GAS2: variants seen among roughly 807,000 people sequenced by gnomAD.
The protein encoded by GAS2 is growth arrest specific 2.
A neutral mutation model predicts 37.5 loss-of-function variants in GAS2; 20 were observed. The observed-to-expected ratio is 0.53, with a 90% confidence interval of 0.37 to 0.77. GAS2 has a LOEUF of 0.77. Ranked by LOEUF, GAS2 falls within the 30% of genes least tolerant of loss-of-function variation. GAS2 has a pLI of 0.00. For missense variants in GAS2, 336 were observed against 373.4 expected (o/e 0.90, Z 0.82); for synonymous variants, 144 against 132.2 (o/e 1.09, Z -0.61).
intron 2 of GAS2, among the ~76,000 whole-genome samples, chr11:22,676,066 G>A (rs1295091584): frequency 6.6e-6 from 1 of 151,498 alleles, no homozygotes; most frequent in East Asian, 1.9e-4. Flanking sequence ...TTTTCTTCAT[G>A]GTGTGCACAC....
At chr11:22,746,354 A>T (rs980175377) in intron 5 of GAS2, among the ~76,000 whole-genome samples, 6 of 152,190 alleles carry the variant, frequency 3.9e-5, no homozygotes, top group Non-Finnish European at 7.3e-5. Context: ...CAATCGCGTT[A>T]CTAGGTATAT....
At chr11:22,754,772 A>G (rs1008745684) in intron 6 of GAS2, among the ~76,000 whole-genome samples, 1 of 152,140 alleles carries the variant, frequency 6.6e-6, no homozygotes, top group South Asian at 2.1e-4. Context: ...AAAGTCAAAA[A>G]TCGAATTATT....
At position 22,788,466 on chromosome 11, in the gene GAS2, G is replaced by T. The variant is rs533182323; in HGVS notation, c.724-23332G>T. On this transcript the variant is annotated intron_variant, in intron 7 of 7. Coordinates refer to ENST00000454584, the MANE Select transcript of GAS2 (RefSeq NM_001143830.3). ...GGTTGCTGGCCTTTACCCATTAGAT[G>T]CCAGTGTAAGCACTTGTATCCCTGC... Among the ~76,000 whole-genome samples, 43 of 152,226 alleles carry T rather than the reference G, an allele frequency of 2.8e-4. 1 individual carries two copies. The South Asian group carries it at 8.5e-3, about 30-fold the overall frequency.
intron 1 of GAS2, among the ~76,000 whole-genome samples, chr11:22,658,346 CAATT>C (rs538367212): frequency 5.8e-4 from 89 of 152,166 alleles, no homozygotes; most frequent in Non-Finnish European, 1.1e-3. Context: ...TTAAAAGACT[CAATT>C]AACTTGGATT....
At chr11:22,810,468 C>G (rs550076286) in intron 7 of GAS2, among the ~76,000 whole-genome samples, 99 of 152,304 alleles carry the variant, frequency 6.5e-4, no homozygotes, top group Non-Finnish European at 1.3e-3. Context: ...AAAGAAACCA[C>G]AAACATCATT....
chr11:22,705,225 A>T (rs892405065), intron 3 of GAS2, among the ~76,000 whole-genome samples: 1 of 151,922 alleles, frequency 6.6e-6, no homozygotes, highest in Non-Finnish European at 1.5e-5. Flanking sequence ...GCCACACTGG[A>T]CTCCTTGCAA....
chr11:22,727,774 A>G (rs1448989983), intron 4 of GAS2, among the ~76,000 whole-genome samples: 1 of 152,022 alleles, frequency 6.6e-6, no homozygotes, highest in Non-Finnish European at 1.5e-5. Context: ...GCGTACATAG[A>G]TAATACCTGT....
rs1403702530 is a variant in GAS2 at position 22,770,908 on chromosome 11, C to T, written c.723+14955C>T. On this transcript the variant is annotated intron_variant, in intron 7 of 7. Transcript: ENST00000454584. ...AAGACGGAGAGCATTTTATGAACTT[C>T]ATATCTTCTTGTTTCAGTAGGGTCT... Among the ~76,000 whole-genome samples, 10 of 152,116 alleles carry T rather than the reference C, an allele frequency of 6.6e-5. 1 individual carries two copies. Among genetic ancestry groups the T allele is most frequent in the Non-Finnish European group, 1.3e-4 (9 of 68,018 alleles).
At chr11:22,626,290 A>G (rs752132628) in intron 1 of GAS2, 9 of 183,454 alleles carry the variant, frequency 4.9e-5, no homozygotes, top group Non-Finnish European at 7.1e-5. Flanking sequence ...CTGACCTCCT[A>G]TTAATGCCAG....
intron 7 of GAS2, among the ~76,000 whole-genome samples, chr11:22,802,383 A>G (rs1856704304): frequency 6.6e-6 from 1 of 151,810 alleles, no homozygotes. Context: ...GGTGCAGCAC[A>G]CCAACATGGC....
chr11:22,657,180 G>A (rs906430322), intron 1 of GAS2, among the ~76,000 whole-genome samples: 3 of 152,148 alleles, frequency 2.0e-5, no homozygotes, highest in Non-Finnish European at 2.9e-5. Flanking sequence ...TGATGGTGGG[G>A]TACAACATAT....
chr11:22,687,103 ATTGC>A (rs1346297256), intron 3 of GAS2, among the ~76,000 whole-genome samples: 1 of 152,064 alleles, frequency 6.6e-6, no homozygotes, highest in African/African-American at 2.4e-5. Context: ...AGGCAGGCAG[ATTGC>A]TTGAGCTCGG....
intron 1 of GAS2, among the ~76,000 whole-genome samples, chr11:22,632,962 G>T: frequency 6.6e-6 from 1 of 151,134 alleles, no homozygotes; most frequent in Non-Finnish European, 1.5e-5. Flanking sequence ...TTCATAACCT[G>T]ATTTTCTTTT....
At chr11:22,787,066 G>A (rs564323467) in intron 7 of GAS2, among the ~76,000 whole-genome samples, 6 of 152,210 alleles carry the variant, frequency 3.9e-5, no homozygotes, top group African/African-American at 1.4e-4. Context: ...TCACCACCAT[G>A]AAAATACACA....
intron 3 of GAS2, among the ~76,000 whole-genome samples, chr11:22,710,913 T>C (rs1412411343): frequency 1.3e-5 from 2 of 152,212 alleles, no homozygotes; most frequent in Non-Finnish European, 2.9e-5. Flanking sequence ...TGTTAATTCT[T>C]AGTTTAAAAT....
At chr11:22,627,804 A>T (rs1010818438) in intron 1 of GAS2, among the ~76,000 whole-genome samples, 9 of 152,088 alleles carry the variant, frequency 5.9e-5, no homozygotes, top group Admixed American at 5.9e-4. Flanking sequence ...AATGGAAAAA[A>T]AAAGGAAAAG....
intron 7 of GAS2, among the ~76,000 whole-genome samples, chr11:22,804,287 G>A (rs1856795040): frequency 1.3e-5 from 2 of 152,114 alleles, no homozygotes; most frequent in South Asian, 4.1e-4. Flanking sequence ...TATCAAGGAG[G>A]CAGAGAAAGA....
chr11:22,697,293 A>G lies in GAS2; in HGVS notation c.267+11504A>G, dbSNP rs532147947. 1.8e-4 allele frequency among the ~76,000 whole-genome samples: 27 copies of G among 151,918 alleles called. No homozygotes were observed. In the East Asian group the frequency reaches 5.0e-3, roughly 28 times the overall value. On this transcript the variant is annotated intron_variant, in intron 3 of 7. Transcript: ENST00000454584. The stretch of plus-strand genomic sequence containing the variant: ...ATTTCTGAGGGCTCTGTTCTGTTCC[A>G]TTGGTCTATATCTCTGTTTTGGTAC...
At chr11:22,652,794 C>G (rs189251154) in intron 1 of GAS2, among the ~76,000 whole-genome samples, 1 of 152,168 alleles carries the variant, frequency 6.6e-6, no homozygotes, top group Non-Finnish European at 1.5e-5. Flanking sequence ...ACACGGTGCG[C>G]GCACCCACTG....
Sources: gnomAD v4.1 joint callset for allele counts (sites outside exome capture counted in the v4.1 genomes callset) on GRCh38, gnomAD v4.1.1 for gene constraint, MANE v1.5 for transcripts, NCBI Gene and HGNC (gene_info 2026-07-23, HGNC 2026-07-21) for gene names.